The following MTMR2 variants were observed in gnomAD, a reference collection of about 807,000 sequenced individuals.
MTMR2 encodes myotubularin related protein 2, also known as phosphatidylinositol-3,5-bisphosphate 3-phosphatase MTMR2.
MTMR2 carries 55 observed loss-of-function variants against 86.9 expected under a neutral mutation model. That is an observed-to-expected ratio of 0.63 (90% CI 0.51 to 0.79). The LOEUF (loss-of-function observed/expected upper bound fraction) is 0.79, where lower values mean the gene tolerates loss of function less well. Ranked by LOEUF, MTMR2 falls within the 30% of genes least tolerant of loss-of-function variation. MTMR2 has a pLI of 0.00. For missense variants in MTMR2, 659 were observed against 772.3 expected (o/e 0.85, Z 1.74); for synonymous variants, 241 against 266.8 (o/e 0.90, Z 0.94).
chr11:95,889,169 T>G (rs1865622612), intron 1 of MTMR2, among the ~76,000 whole-genome samples: 1 of 151,798 alleles, frequency 6.6e-6, no homozygotes, highest in Admixed American at 6.6e-5. Flanking sequence ...GTTTCACTCT[T>G]GTCACCCAGG....
intron 9 of MTMR2, among the ~76,000 whole-genome samples, chr11:95,849,043 A>G (rs140146084): frequency 6.6e-6 from 1 of 152,184 alleles, no homozygotes; most frequent in African/African-American, 2.4e-5. Flanking sequence ...AAGCACTGAA[A>G]TGTACACTTG....
chr11:95,904,501 C>T (rs1018726741), intron 1 of MTMR2, among the ~76,000 whole-genome samples: 10 of 152,074 alleles, frequency 6.6e-5, no homozygotes, highest in Non-Finnish European at 8.8e-5. Flanking sequence ...GATAAGAGGT[C>T]GGCACAAGAC....
intron 2 of MTMR2, among the ~76,000 whole-genome samples, chr11:95,871,621 A>G (rs1345102946): frequency 1.3e-5 from 2 of 152,110 alleles, no homozygotes; most frequent in Non-Finnish European, 2.9e-5. Flanking sequence ...TTCATTGTAG[A>G]TTCTGGATAT....
intron 2 of MTMR2, among the ~76,000 whole-genome samples, chr11:95,883,867 T>C (rs528959725): frequency 8.3e-4 from 126 of 152,304 alleles, no homozygotes; most frequent in African/African-American, 2.8e-3. Context: ...ACAGTACCTA[T>C]AGCAAAAAAC....
rs1865589341 is a variant in MTMR2, at chr11:95,888,370, C to T, written c.81-109G>A. 5.3e-6 allele frequency: 4 copies of T among 749,942 alleles called. No individual in the cohort carries two copies. The South Asian group carries it at 6.1e-5, about 11-fold the overall frequency. 46.5% of individuals were successfully genotyped at this position (749,942 alleles called of 1,614,324 possible). A position where few individuals can be genotyped will look rare whatever the true frequency, so the allele number is the denominator to read the frequency against. On this transcript the variant is annotated intron_variant, in intron 1 of 14. Coordinates refer to ENST00000346299, the MANE Select transcript of MTMR2 (RefSeq NM_016156.6). ...TATTTATTAAAATTTCCACAGCCAA[C>T]TAAGTTCTGCTTTGCCTATTCAATC...
Position 95,923,905 on chromosome 11 carries a change from G to T in MTMR2, c.50C>A (p.Ala17Asp). The change falls in exon 1 of 15, where the codon GCT becomes GAT. Residue 17 changes from alanine (A) to aspartate (D), a missense_variant. Coordinates refer to ENST00000346299, the MANE Select transcript of MTMR2 (RefSeq NM_016156.6). ...CAAGGAGTCCACGCTGGGCGGCCGAGCCGCCGCCGGCTGGGAGCCAAGACT... is the reference window on the plus strand; with the variant it reads ...CAAGGAGTCCACGCTGGGCGGCCGATCCGCCGCCGGCTGGGAGCCAAGACT... Reference protein sequence around the residue: ...CESLGSQPAAARPPSVDSLSS... With the variant: ...CESLGSQPAADRPPSVDSLSS... The T allele has an allele frequency of 6.4e-7, 1 of 1,558,542 alleles. No individual in the cohort carries two copies. Among genetic ancestry groups the T allele is most frequent in the East Asian group, 2.4e-5 (1 of 41,422 alleles).
chr11:95,872,645 A>G (rs887993619), intron 2 of MTMR2, among the ~76,000 whole-genome samples: 14 of 152,166 alleles, frequency 9.2e-5, no homozygotes, highest in Non-Finnish European at 1.8e-4. Context: ...AACTTCCAAC[A>G]CTATGTTGAA....
intron 1 of MTMR2, among the ~76,000 whole-genome samples, chr11:95,919,562 T>C (rs553964869): frequency 1.3e-5 from 2 of 152,256 alleles, no homozygotes; most frequent in South Asian, 4.1e-4. Flanking sequence ...CAACACAAGT[T>C]AGAGCAAAAG....
At chr11:95,901,814 T>G (rs892443898) in intron 1 of MTMR2, among the ~76,000 whole-genome samples, 2 of 152,162 alleles carry the variant, frequency 1.3e-5, no homozygotes, top group African/African-American at 2.4e-5. Context: ...TTGGAGCAGA[T>G]AAAGCTTAAC....
intron 1 of MTMR2, chr11:95,913,018 T>C (rs771253738): frequency 2.0e-5 from 3 of 152,090 alleles, no homozygotes; most frequent in Non-Finnish European, 4.4e-5. Flanking sequence ...ATATCATGGA[T>C]ACAAAAAAAA....
intron 4 of MTMR2, 61 bp downstream of exon 4, chr11:95,862,211 G>A: frequency 6.5e-7 from 1 of 1,548,914 alleles, no homozygotes; most frequent in Non-Finnish European, 8.9e-7. Context: ...GATCAGAAAT[G>A]AACAAAACTA....
intron 2 of MTMR2, among the ~76,000 whole-genome samples, chr11:95,885,819 C>A (rs1182458380): frequency 5.9e-5 from 9 of 151,954 alleles, no homozygotes; most frequent in East Asian, 1.9e-4. Context: ...AGTGAAAAAA[C>A]CTAACACCGC....
chr11:95,838,350 T>C, intron 12 of MTMR2, 143 bp from the exon 13 acceptor site: 1 of 647,128 alleles, frequency 1.5e-6, no homozygotes, highest in South Asian at 1.6e-5. Flanking sequence ...TATGGCATTA[T>C]TCGTATGGTT....
chr11:95,920,312 T>C (rs994803901), intron 1 of MTMR2, among the ~76,000 whole-genome samples: 9 of 152,118 alleles, frequency 5.9e-5, no homozygotes, highest in Non-Finnish European at 1.2e-4. Flanking sequence ...CTATTGTTTT[T>C]TTTGTTTTTG....
chr11:95,840,694 A>G (rs1863508776), intron 12 of MTMR2, among the ~76,000 whole-genome samples: 1 of 152,188 alleles, frequency 6.6e-6, no homozygotes, highest in Non-Finnish European at 1.5e-5. Context: ...TGTTAAATAT[A>G]TAATTGATGA....
intron 9 of MTMR2, among the ~76,000 whole-genome samples, chr11:95,849,115 C>T (rs1863916407): frequency 6.6e-6 from 1 of 151,970 alleles, no homozygotes; most frequent in Admixed American, 6.6e-5. Flanking sequence ...TCTCTCCTTC[C>T]CTCCTCCTAT....
intron 1 of MTMR2, among the ~76,000 whole-genome samples, chr11:95,897,963 G>T (rs1865935768): frequency 6.6e-6 from 1 of 152,148 alleles, no homozygotes. Flanking sequence ...TCAGTGGCCT[G>T]CCTGACTCAC....
chr11:95,845,701 G>T (rs1863757123), intron 10 of MTMR2, among the ~76,000 whole-genome samples: 1 of 129,268 alleles, frequency 7.7e-6, no homozygotes, highest in Non-Finnish European at 1.8e-5. Context: ...CTACTTTTCT[G>T]TAACACTGCA....
chr11:95,901,882 T>C (rs1866087940), intron 1 of MTMR2, among the ~76,000 whole-genome samples: 1 of 152,164 alleles, frequency 6.6e-6, no homozygotes, highest in African/African-American at 2.4e-5. Context: ...TTTAAGCCTA[T>C]TTCCCATAAA....
Sources: gnomAD v4.1 joint callset for allele counts (sites outside exome capture counted in the v4.1 genomes callset) on GRCh38, gnomAD v4.1.1 for gene constraint, MANE v1.5 for transcripts, NCBI Gene and HGNC (gene_info 2026-07-23, HGNC 2026-07-21) for gene names.